CSMD1: variants seen among roughly 807,000 people sequenced by gnomAD.
CSMD1 encodes CUB and sushi domain-containing protein 1.
Under a neutral mutation model 417.5 loss-of-function variants are expected in CSMD1, and 213 were observed. The observed-to-expected ratio is 0.51, with a 90% confidence interval of 0.46 to 0.57. CSMD1 has a LOEUF of 0.57. CSMD1 is among the 20% of genes least tolerant of loss of function. The pLI is 0.00. For synonymous variants in CSMD1, 2,862 were observed against 1,736.8 expected, an observed-to-expected ratio of 1.65 and a Z score of -16.11; for missense variants, 6,923 against 4,529.7, an observed-to-expected ratio of 1.53 and a Z score of -15.17.
At chr8:4,294,856 A>G (rs1050606910) in intron 3 of CSMD1, among the ~76,000 whole-genome samples, 5 of 151,926 alleles carry the variant, frequency 3.3e-5, no homozygotes, top group Non-Finnish European at 5.9e-5. Context: ...ATAATTCCAG[A>G]AAACTTTGTC....
chr8:4,289,977 G>C (rs1384750879), intron 3 of CSMD1, among the ~76,000 whole-genome samples: 2 of 152,174 alleles, frequency 1.3e-5, no homozygotes, highest in South Asian at 2.1e-4. Flanking sequence ...ATTTCATTCA[G>C]CTTGTATATT....
rs141728476 is a variant in CSMD1, at chr8:3,749,790, G to T, written c.931+4140C>A. Among the ~76,000 whole-genome samples the T allele has an allele frequency of 3.6e-3, 544 of 151,982 alleles. 5 individuals carry two copies. Among genetic ancestry groups the T allele is most frequent in the African/African-American group, 0.013 (520 of 41,470 alleles). On this transcript the variant is annotated intron_variant, in intron 6 of 69. Transcript: ENST00000635120. ...GTCACCCATGTCGTTACATGTAGAG[G>T]TAGTTTCTCTCTTTCCATGTTTGTT... is the stretch of plus-strand genomic sequence containing the variant.
intron 3 of CSMD1, among the ~76,000 whole-genome samples, chr8:4,177,634 T>C (rs577157205): frequency 1.4e-5 from 2 of 144,062 alleles, no homozygotes; most frequent in Non-Finnish European, 3.0e-5. Context: ...AATTAATGAA[T>C]CCAGGAGCTG....
At position 3,829,256 on chromosome 8, in the gene CSMD1, C is replaced by G. The variant is rs140334769; in HGVS notation, c.819-75214G>C. ...TTGCATCCTCATAGCTTAGCTCCCACATATGAGTGAGAAAATACGATGTTT... is the reference window on the plus strand; with the variant it reads ...TTGCATCCTCATAGCTTAGCTCCCAGATATGAGTGAGAAAATACGATGTTT... On this transcript the variant is annotated intron_variant, in intron 5 of 69. Transcript: ENST00000635120. 6.5e-3 allele frequency among the ~76,000 whole-genome samples: 989 copies of G among 152,262 alleles called. 14 individuals carry two copies. The highest frequency in any genetic ancestry group is 0.023 in the African/African-American group (948 of 41,556).
intron 3 of CSMD1, among the ~76,000 whole-genome samples, chr8:4,404,725 A>G (rs777497824): frequency 6.6e-5 from 10 of 151,980 alleles, no homozygotes; most frequent in African/African-American, 2.2e-4. Flanking sequence ...ATATTTTCCT[A>G]TTTATGTTTA....
intron 12 of CSMD1, among the ~76,000 whole-genome samples, chr8:3,450,092 T>G (rs2117100898): frequency 6.6e-6 from 1 of 152,320 alleles, no homozygotes. Context: ...TCTGGTTTGC[T>G]GACTGTTTCA....
intron 11 of CSMD1, among the ~76,000 whole-genome samples, chr8:3,486,034 T>C (rs764914427): frequency 5.3e-5 from 8 of 152,148 alleles, no homozygotes; most frequent in South Asian, 2.1e-4. Context: ...GTTCTCCTTG[T>C]CTTCACTTGG....
chr8:4,801,930 G>C (rs914453585), intron 1 of CSMD1, among the ~76,000 whole-genome samples: 1 of 152,146 alleles, frequency 6.6e-6, no homozygotes, highest in Admixed American at 6.6e-5. Flanking sequence ...TGTGATTCAA[G>C]GTAACTGGTA....
intron 3 of CSMD1, among the ~76,000 whole-genome samples, chr8:4,185,433 A>T (rs1229057059): frequency 6.6e-6 from 1 of 152,168 alleles, no homozygotes; most frequent in African/African-American, 2.4e-5. Context: ...TGTGAGCTTG[A>T]TAAATAATGA....
chr8:3,769,463 TTTTC>T (rs1798458727), intron 5 of CSMD1, among the ~76,000 whole-genome samples: 1 of 111,168 alleles, frequency 9.0e-6, no homozygotes, highest in Admixed American at 8.3e-5. Context: ...AACTCATTGT[TTTTC>T]TTCCACAGTT....
At chr8:4,175,532 T>A (rs972924411) in intron 3 of CSMD1, among the ~76,000 whole-genome samples, 8 of 152,128 alleles carry the variant, frequency 5.3e-5, no homozygotes, top group African/African-American at 1.9e-4. Flanking sequence ...GCCCAATGGA[T>A]AAATGTAGAC....
chr8:4,870,192 A>C (rs1300742876), intron 1 of CSMD1, among the ~76,000 whole-genome samples: 1 of 152,168 alleles, frequency 6.6e-6, no homozygotes, highest in Non-Finnish European at 1.5e-5. Context: ...ATAATGAAAA[A>C]ATAACTGTTA....
At chr8:3,578,759 C>A (rs1197794656) in intron 9 of CSMD1, among the ~76,000 whole-genome samples, 1 of 152,186 alleles carries the variant, frequency 6.6e-6, no homozygotes, top group Admixed American at 6.5e-5. Context: ...AATTTCATAG[C>A]ATCCCTGGAG....
intron 5 of CSMD1, among the ~76,000 whole-genome samples, chr8:3,975,560 G>A (rs1813376027): frequency 6.6e-6 from 1 of 152,242 alleles, no homozygotes; most frequent in Non-Finnish European, 1.5e-5. Flanking sequence ...GGGATGACGG[G>A]CAGCGCTTTA....
intron 3 of CSMD1, among the ~76,000 whole-genome samples, chr8:4,050,630 C>T (rs887867583): frequency 1.3e-5 from 2 of 152,012 alleles, no homozygotes; most frequent in Admixed American, 6.6e-5. Flanking sequence ...TCCTGCGGTG[C>T]TATCAAATAC....
At chr8:3,858,888 T>C (rs1436284378) in intron 5 of CSMD1, among the ~76,000 whole-genome samples, 2 of 152,194 alleles carry the variant, frequency 1.3e-5, no homozygotes, top group Non-Finnish European at 2.9e-5. Context: ...ATCGTGACAA[T>C]GTAAATCTAT....
intron 12 of CSMD1, among the ~76,000 whole-genome samples, chr8:3,443,283 A>G (rs779999089): frequency 2.0e-5 from 3 of 152,162 alleles, no homozygotes; most frequent in Non-Finnish European, 2.9e-5. Context: ...GATTGAATAA[A>G]CTGTGGCCTC....
chr8:3,406,061 G>T lies in CSMD1; in HGVS notation c.2232C>A (p.Asn744Lys). Reference protein sequence around the residue: ...ESITCILQDGNVVWSSTVPRC... With the variant: ...ESITCILQDGKVVWSSTVPRC... ...GGGGCACGGTGGAGCTCCAGACCAC[G>T]TTCCCGTCTTGCAGTATGCAGGTAA... Residue 744 changes from asparagine to lysine, a missense_variant, in exon 15 of 70, where the codon AAC becomes AAA. By Grantham distance (94) the Asn-to-Lys change is moderately conservative. Coordinates refer to ENST00000635120, the MANE Select transcript of CSMD1 (RefSeq NM_033225.6). 3 of 1,613,944 alleles carry T rather than the reference G, an allele frequency of 1.9e-6. No individual in the cohort carries two copies. The highest frequency in any genetic ancestry group is 1.7e-5 in the Admixed American group (1 of 60,022).
At chr8:4,793,063 C>A (rs1270203085) in intron 1 of CSMD1, among the ~76,000 whole-genome samples, 1 of 151,722 alleles carries the variant, frequency 6.6e-6, no homozygotes, top group African/African-American at 2.4e-5. Context: ...TTCAAACATC[C>A]AAGTGGAAAA....
Sources: allele counts gnomAD v4.1 joint callset (sites outside exome capture counted in the v4.1 genomes callset), GRCh38; gene constraint gnomAD v4.1.1; transcripts MANE v1.5; gene names NCBI Gene and HGNC (gene_info 2026-07-23, HGNC 2026-07-21).